Variants in ADA2 observed in about 807,000 individuals in gnomAD.
ADA2 encodes the protein adenosine deaminase 2.
A neutral mutation model predicts 44.2 loss-of-function variants in ADA2; 29 were observed. The ratio of observed to expected loss-of-function variants is 0.66; its 90% CI spans 0.49 to 0.89. The LOEUF (loss-of-function observed/expected upper bound fraction) is 0.89, where lower values mean the gene tolerates loss of function less well. Ranked by LOEUF, ADA2 falls within the 40% of genes least tolerant of loss-of-function variation. The pLI, the probability that ADA2 is intolerant of heterozygous loss-of-function variation, is 0.00. For missense variants in ADA2, 637 were observed against 644.8 expected (o/e 0.99, Z 0.13); for synonymous variants, 215 against 234.9 (o/e 0.92, Z 0.77).
upstream of ADA2, among the ~76,000 whole-genome samples, chr22:17,221,365 G>A (rs998128129): frequency 6.6e-6 from 1 of 151,952 alleles, no homozygotes; most frequent in Non-Finnish European, 1.5e-5. Flanking sequence ...GTATACCTGT[G>A]CCATGTTGGT....
At chr22:17,211,788 C>T (rs2062421086) in intron 1 of ADA2, among the ~76,000 whole-genome samples, 1 of 151,790 alleles carries the variant, frequency 6.6e-6, no homozygotes, top group African/African-American at 2.4e-5. Flanking sequence ...ATTAGCTGGG[C>T]GTGGTGGCAT....
At chr22:17,186,064 T>C (rs1280794556) in intron 7 of ADA2, among the ~76,000 whole-genome samples, 2 of 152,180 alleles carry the variant, frequency 1.3e-5, no homozygotes, top group Non-Finnish European at 2.9e-5. Context: ...GCTGGGCTGA[T>C]GGCGTTTCAG....
intron 8 of ADA2, 97 bp downstream of exon 8, chr22:17,182,507 A>G: frequency 8.4e-7 from 1 of 1,196,548 alleles, no homozygotes; most frequent in Non-Finnish European, 1.2e-6. Flanking sequence ...GTAACAAGAG[A>G]GTTAAGGAGA....
chr22:17,183,794 A>G (rs1021249576), intron 7 of ADA2, among the ~76,000 whole-genome samples: 4 of 151,658 alleles, frequency 2.6e-5, no homozygotes, highest in Admixed American at 2.6e-4. Flanking sequence ...CTTTACAACA[A>G]TATGTTACAG....
At chr22:17,207,479 G>C (rs1020575237) in intron 2 of ADA2, among the ~76,000 whole-genome samples, 189 bp from the exon 3 acceptor site, 2 of 151,894 alleles carry the variant, frequency 1.3e-5, no homozygotes, top group Non-Finnish European at 2.9e-5. Flanking sequence ...CCAGGGCTCC[G>C]GGGCTTGGGG....
intron 6 of ADA2, 158 bp from the exon 7 acceptor site, chr22:17,188,605 CGTG>C (rs1002451970): frequency 1.8e-6 from 1 of 543,650 alleles, no homozygotes; most frequent in Admixed American, 3.3e-5. Context: ...GCAGGCCAGG[CGTG>C]GTGGCTCACA....
rs1223873348 is a variant in ADA2 at position 17,181,387 on chromosome 22, T to G, written c.*96A>C. ...CAGGGTCGCTCCATACAGAGGCCAT[T>G]GATTTCATGGGCACATGGAGCTGAT... On this transcript the variant is annotated 3_prime_UTR_variant, in exon 10 of 10. Transcript: ENST00000399837. 1 of 858,546 alleles carries G rather than the reference T, an allele frequency of 1.2e-6. No individual in the cohort carries two copies. The highest frequency in any genetic ancestry group is 2.0e-6 in the Non-Finnish European group (1 of 499,102). 53.2% of individuals were successfully genotyped at this position (858,546 alleles called of 1,614,324 possible). A position where few individuals can be genotyped will look rare whatever the true frequency, so the allele number is the denominator to read the frequency against.
rs772012039 is a variant in ADA2, at chr22:17,181,440, C to T, written c.*43G>A. 5.7e-6 allele frequency: 7 copies of T among 1,230,120 alleles called. No homozygotes were observed. Among genetic ancestry groups the T allele is most frequent in the South Asian group, 1.2e-5 (1 of 83,098 alleles). 76.2% of individuals were successfully genotyped at this position (1,230,120 alleles called of 1,614,324 possible). On this transcript the variant is annotated 3_prime_UTR_variant, in exon 10 of 10. Coordinates refer to ENST00000399837, the MANE Select transcript of ADA2 (RefSeq NM_001282225.2). ...AAGAACGAGTGAGAGGAAGTGACAG[C>T]GTGTGCAAGAAGACAGCTTGTAGAG...
intron 1 of ADA2, among the ~76,000 whole-genome samples, chr22:17,215,331 T>G (rs1220919451): frequency 6.6e-6 from 1 of 152,152 alleles, no homozygotes; most frequent in African/African-American, 2.4e-5. Context: ...CTGGGCACGG[T>G]GGCTTACGCC....
At position 17,203,626 on chromosome 22, in the gene ADA2, C is replaced by A; in HGVS notation, c.690G>T (p.Arg230=). The change falls in exon 4 of 10, where the codon CGG becomes CGT. Residue 230 remains arginine (R), a synonymous_variant. Transcript: ENST00000399837. ...TGTCCTCGTAGAACTCCTGCATGCT[C>A]CGGAAGACATAGTCTCTGAACACTG... ...YAPVFRDYVF[R]SMQEFYEDNV... The A allele has an allele frequency of 6.2e-7, 1 of 1,613,900 alleles. No homozygotes were observed. Among genetic ancestry groups the A allele is most frequent in the Non-Finnish European group, 8.5e-7 (1 of 1,180,006 alleles).
intron 7 of ADA2, among the ~76,000 whole-genome samples, chr22:17,187,563 T>G (rs1441303960): frequency 6.6e-6 from 1 of 151,894 alleles, no homozygotes; most frequent in Admixed American, 6.6e-5. Context: ...GTGCTAGGAT[T>G]ACAGGCATGA....
intron 4 of ADA2, among the ~76,000 whole-genome samples, chr22:17,199,122 C>G (rs1449630823): frequency 6.6e-6 from 1 of 152,174 alleles, no homozygotes; most frequent in African/African-American, 2.4e-5. Flanking sequence ...TCCCCTCCCC[C>G]TCCCCCTCCA....
chr22:17,189,915 A>G (rs764705210), intron 6 of ADA2, 27 bp downstream of exon 6: 3 of 1,545,588 alleles, frequency 1.9e-6, no homozygotes, highest in Non-Finnish European at 2.7e-6. Flanking sequence ...CTTAACAGGC[A>G]GCCCTTCTGT....
chr22:17,199,441 T>TTCCCTCCCC, intron 4 of ADA2: 1 of 1,076,002 alleles, frequency 9.3e-7, no homozygotes, highest in Non-Finnish European at 1.4e-6. Flanking sequence ...TCTATCCTCT[T>TTCCCTCCCC]CCCCTCCACC....
intron 4 of ADA2, chr22:17,199,596 GA>G: frequency 6.2e-7 from 1 of 1,614,116 alleles, no homozygotes; most frequent in African/African-American, 1.3e-5. Context: ...CCGGAAAAAG[GA>G]AAATTGAAGC....
chr22:17,185,512 C>T (rs932538443), intron 7 of ADA2, among the ~76,000 whole-genome samples: 1 of 152,168 alleles, frequency 6.6e-6, no homozygotes, highest in African/African-American at 2.4e-5. Context: ...AAATCATCTC[C>T]AAGGACCATA....
chr22:17,185,178 C>T (rs572453053), intron 7 of ADA2, among the ~76,000 whole-genome samples: 8 of 150,722 alleles, frequency 5.3e-5, no homozygotes, highest in Admixed American at 1.3e-4. Context: ...TTTGGGAGGC[C>T]GAGGTGGGCG....
chr22:17,216,327 T>A (rs918232957), intron 1 of ADA2, among the ~76,000 whole-genome samples: 2 of 151,850 alleles, frequency 1.3e-5, no homozygotes, highest in African/African-American at 4.8e-5. Flanking sequence ...ATGGTGCCAT[T>A]GCACTCCTGC....
intron 1 of ADA2, 199 bp from the exon 2 acceptor site, chr22:17,209,922 G>T: frequency 4.3e-6 from 2 of 469,250 alleles, no homozygotes; most frequent in Non-Finnish European, 7.4e-6. Flanking sequence ...ACGGAGTCTC[G>T]CTCTGCTGCC....
Sources: gnomAD v4.1 joint callset for allele counts (sites outside exome capture counted in the v4.1 genomes callset) on GRCh38, gnomAD v4.1.1 for gene constraint, MANE v1.5 for transcripts, NCBI Gene and HGNC (gene_info 2026-07-23, HGNC 2026-07-21) for gene names.